The following CUL3 variants were observed in gnomAD, a reference collection of about 807,000 sequenced individuals.
The protein encoded by CUL3 is cullin 3, also known as cullin-3.
Under a neutral mutation model 89.1 loss-of-function variants are expected in CUL3, and 19 were observed. The ratio of observed to expected loss-of-function variants is 0.21; its 90% CI spans 0.15 to 0.31. CUL3 has a LOEUF of 0.31. Ranked by LOEUF, CUL3 falls within the 10% of genes least tolerant of loss-of-function variation. The pLI is 1.00. For missense variants in CUL3, 469 were observed against 942.3 expected (o/e 0.50, Z 6.58); for synonymous variants, 351 against 308.4 (o/e 1.14, Z -1.45).
intron 13 of CUL3, among the ~76,000 whole-genome samples, chr2:224,494,789 G>C (rs949227995): frequency 6.6e-6 from 1 of 151,848 alleles, no homozygotes; most frequent in African/African-American, 2.4e-5. Flanking sequence ...CTAAAATTAC[G>C]AACTATTGAA....
chr2:224,490,071 A>G (rs2106167460), intron 13 of CUL3, among the ~76,000 whole-genome samples: 1 of 152,362 alleles, frequency 6.6e-6, no homozygotes, highest in East Asian at 1.9e-4. Context: ...AAAAGAAGAC[A>G]TTTGTGTTGC....
At chr2:224,530,675 G>A (rs1386571900) in intron 3 of CUL3, among the ~76,000 whole-genome samples, 1 of 152,216 alleles carries the variant, frequency 6.6e-6, no homozygotes, top group Non-Finnish European at 1.5e-5. Context: ...GGGAGGCTGA[G>A]GCGGGTAGAT....
intron 9 of CUL3, among the ~76,000 whole-genome samples, 172 bp downstream of exon 9, chr2:224,503,480 T>C (rs577934295): frequency 6.6e-6 from 1 of 152,240 alleles, no homozygotes; most frequent in Non-Finnish European, 1.5e-5. Flanking sequence ...TGAATGTCCC[T>C]GAACTTGAAC....
intron 1 of CUL3, among the ~76,000 whole-genome samples, chr2:224,566,952 CA>C (rs1266026068): frequency 6.6e-6 from 1 of 152,148 alleles, no homozygotes; most frequent in East Asian, 1.9e-4. Flanking sequence ...CTTGAAATGG[CA>C]GGTAACCACA....
intron 1 of CUL3, among the ~76,000 whole-genome samples, chr2:224,567,360 G>T (rs1224884148): frequency 6.6e-6 from 1 of 152,164 alleles, no homozygotes; most frequent in African/African-American, 2.4e-5. Flanking sequence ...TGGGACTACC[G>T]TTGTGTGCCA....
Position 224,472,082 on chromosome 2 carries a change from AG to A in CUL3, c.*2162del, listed in dbSNP as rs1559331018. 1 of 230,190 alleles carries A rather than the reference AG, an allele frequency of 4.3e-6. No homozygotes were observed. The highest frequency in any genetic ancestry group is 2.2e-5 in the African/African-American group (1 of 45,184). 14.3% of individuals were successfully genotyped at this position (230,190 alleles called of 1,614,324 possible). On this transcript the variant is annotated 3_prime_UTR_variant, in exon 16 of 16. Coordinates refer to ENST00000264414, the MANE Select transcript of CUL3 (RefSeq NM_003590.5). ...AAACATATAAACATTTTGTGTGACCAGTTTTTTCAGTGCAGCATCACATCGC... is the reference window on the plus strand; with the variant it reads ...AAACATATAAACATTTTGTGTGACCATTTTTTCAGTGCAGCATCACATCGC...
chr2:224,504,035 T>C (rs1692495495), intron 8 of CUL3: 1 of 418,320 alleles, frequency 2.4e-6, no homozygotes, highest in Admixed American at 4.1e-5. Context: ...AATGAGGGGT[T>C]GGAGTGGAAT....
chr2:224,505,863 C>T (rs1365050230), intron 8 of CUL3, 93 bp downstream of exon 8: 5 of 861,504 alleles, frequency 5.8e-6, no homozygotes, highest in Non-Finnish European at 8.3e-6. Flanking sequence ...ATGGGTCATG[C>T]TTAATTTTTA....
intron 15 of CUL3, among the ~76,000 whole-genome samples, chr2:224,477,333 G>A (rs921223658): frequency 2.0e-4 from 31 of 152,272 alleles, no homozygotes; most frequent in African/African-American, 7.2e-4. Context: ...GAACCACACT[G>A]TGAAAACCAG....
At chr2:224,526,447 G>C (rs747534762) in intron 3 of CUL3, among the ~76,000 whole-genome samples, 1 of 151,828 alleles carries the variant, frequency 6.6e-6, no homozygotes, top group Non-Finnish European at 1.5e-5. Flanking sequence ...TTAGCTGGAC[G>C]TGGTGGTGGG....
chr2:224,550,187 T>C (rs565373972), intron 2 of CUL3, among the ~76,000 whole-genome samples: 10 of 152,330 alleles, frequency 6.6e-5, no homozygotes, highest in African/African-American at 2.2e-4. Context: ...ATTTGAGTAT[T>C]TGCATATACA....
chr2:224,519,893 A>G (rs1256419251), intron 3 of CUL3, among the ~76,000 whole-genome samples: 1 of 152,132 alleles, frequency 6.6e-6, no homozygotes, highest in East Asian at 1.9e-4. Context: ...CTAACTAGCA[A>G]ACTCAAAGTA....
chr2:224,528,006 A>T (rs955392489), intron 3 of CUL3, among the ~76,000 whole-genome samples: 1 of 152,186 alleles, frequency 6.6e-6, no homozygotes, highest in East Asian at 1.9e-4. Flanking sequence ...CAACTCACCT[A>T]AATTATCCCC....
At chr2:224,520,330 G>A (rs905981075) in intron 3 of CUL3, among the ~76,000 whole-genome samples, 9 of 152,332 alleles carry the variant, frequency 5.9e-5, no homozygotes, top group African/African-American at 1.9e-4. Flanking sequence ...TGAGAGACAG[G>A]AGCCAATGGT....
intron 3 of CUL3, among the ~76,000 whole-genome samples, chr2:224,532,552 T>C (rs764496737): frequency 3.3e-5 from 5 of 152,030 alleles, no homozygotes; most frequent in Non-Finnish European, 5.9e-5. Context: ...GGGCAAAACT[T>C]AACATAATAG....
rs1021693768 is a variant in CUL3, at chr2:224,471,713, T to C, written c.*2532A>G. 1.1e-4 allele frequency: 24 copies of C among 223,042 alleles called. No individual in the cohort carries two copies. The highest frequency in any genetic ancestry group is 2.4e-4 in the African/African-American group (11 of 44,914). The allele number at this position is 223,042 out of a possible 1,614,324, so 13.8% of individuals were successfully genotyped here. A position where few individuals can be genotyped will look rare whatever the true frequency, so the allele number is the denominator to read the frequency against. ...ACTTTTTGTGAGGCTGTGCGTTCCCTAATTGCAATGAATTTTCAGTCTTTA... is the reference window on the plus strand; with the variant it reads ...ACTTTTTGTGAGGCTGTGCGTTCCCCAATTGCAATGAATTTTCAGTCTTTA... On this transcript the variant is annotated 3_prime_UTR_variant, in exon 16 of 16. Coordinates refer to ENST00000264414, the MANE Select transcript of CUL3 (RefSeq NM_003590.5).
At chr2:224,491,700 A>G (rs1691987398) in intron 13 of CUL3, among the ~76,000 whole-genome samples, 1 of 152,170 alleles carries the variant, frequency 6.6e-6, no homozygotes, top group African/African-American at 2.4e-5. Context: ...TTAGTTTGTC[A>G]TCAGATACAA....
chr2:224,525,557 A>AT (rs1185032979), intron 3 of CUL3, among the ~76,000 whole-genome samples: 1 of 152,180 alleles, frequency 6.6e-6, no homozygotes, highest in Non-Finnish European at 1.5e-5. Flanking sequence ...AACACAATAA[A>AT]TTTTTTTGTT....
At chr2:224,488,527 A>G (rs1293404557) in intron 13 of CUL3, among the ~76,000 whole-genome samples, 1 of 152,184 alleles carries the variant, frequency 6.6e-6, no homozygotes, top group Non-Finnish European at 1.5e-5. Flanking sequence ...AGAAATGCAT[A>G]AATTCCTGGA....
Sources: allele counts gnomAD v4.1 joint callset (sites outside exome capture counted in the v4.1 genomes callset), GRCh38; gene constraint gnomAD v4.1.1; transcripts MANE v1.5; gene names NCBI Gene and HGNC (gene_info 2026-07-23, HGNC 2026-07-21).